Variants in NIPSNAP3B observed in about 807,000 individuals in gnomAD.
NIPSNAP3B encodes the protein nipsnap homolog 3B.
In NIPSNAP3B, 30 loss-of-function variants were observed where a neutral mutation model predicts 31.5. The ratio of observed to expected loss-of-function variants is 0.95; its 90% CI spans 0.71 to 1.29. The LOEUF (loss-of-function observed/expected upper bound fraction) is 1.29, where lower values mean the gene tolerates loss of function less well. Ranked by LOEUF, NIPSNAP3B falls within the 50% of genes most tolerant of loss-of-function variation. The probability of loss-of-function intolerance (pLI) is 0.00; values close to 1 mark genes in which losing one functional copy is unlikely to be tolerated. For synonymous variants in NIPSNAP3B, 106 were observed against 107.9 expected, an observed-to-expected ratio of 0.98 and a Z score of 0.11; for missense variants, 269 against 300.7, an observed-to-expected ratio of 0.89 and a Z score of 0.78.
chr9:104,784,412 A>AAGT, the NIPSNAP3B span: 1 of 1,614,080 alleles, frequency 6.2e-7, no homozygotes. Context: ...GAGGTCTTTT[A>AAGT]AGTGGTCATC....
At position 104,776,715 on chromosome 9, in the gene NIPSNAP3B, C is replaced by CTGTT. The variant is rs1311384781; in HGVS notation, c.*3642_*3643insTGTT. Among the ~76,000 whole-genome samples the CTGTT allele has an allele frequency of 6.6e-6, 1 of 152,166 alleles. No individual in the cohort carries two copies. Among genetic ancestry groups the CTGTT allele is most frequent in the African/African-American group, 2.4e-5 (1 of 41,444 alleles). Reference sequence around the variant, plus strand: ...CCCTGCTTTCTTTTTCTGTTATCACCATAATTAATGTTTTACTTATATATG... The same window carrying CTGTT: ...CCCTGCTTTCTTTTTCTGTTATCACCTGTTATAATTAATGTTTTACTTATATATG... On this transcript the variant is annotated 3_prime_UTR_variant, in exon 6 of 6. Coordinates refer to ENST00000374762, the MANE Select transcript of NIPSNAP3B (RefSeq NM_018376.4).
At chr9:104,790,819 T>C in the NIPSNAP3B span, 1 of 826,234 alleles carries the variant, frequency 1.2e-6, no homozygotes, top group South Asian at 1.5e-5. Flanking sequence ...AACATTTTTA[T>C]GAACTCTAAA....
At chr9:104,780,171 A>G (rs1828444578), downstream of NIPSNAP3B, among the ~76,000 whole-genome samples, 1 of 152,196 alleles carries the variant, frequency 6.6e-6, no homozygotes, top group Non-Finnish European at 1.5e-5. Flanking sequence ...ATTTCATTAA[A>G]GTCACTATAA....
chr9:104,784,599 G>A, the NIPSNAP3B span: 1 of 987,082 alleles, frequency 1.0e-6, no homozygotes, highest in Non-Finnish European at 1.5e-6. Flanking sequence ...AACTGTGTGT[G>A]AAGGAGGGAA....
At chr9:104,786,436 T>A in the NIPSNAP3B span, 1 of 1,525,544 alleles carries the variant, frequency 6.6e-7, no homozygotes, top group South Asian at 1.1e-5. Context: ...AGATTCTCTG[T>A]AACCATGAGA....
chr9:104,783,591 A>G, the NIPSNAP3B span: 3 of 152,606 alleles, frequency 2.0e-5, no homozygotes, highest in East Asian at 3.8e-4. Context: ...GCATAGGACA[A>G]TATAACAATG....
At position 104,769,133 on chromosome 9, in the gene NIPSNAP3B, A is replaced by C. The variant is rs1828152755; in HGVS notation, c.430+112A>C. On this transcript the variant is annotated intron_variant, in intron 3 of 5. Transcript: ENST00000374762. ...AAATATATAATTCTTTGTTTTATAT[A>C]ATAATATATGATGAGTCTGGAGATA... The C allele has an allele frequency of 4.0e-6, 3 of 756,822 alleles. No individual in the cohort carries two copies. The African/African-American group carries it at 5.3e-5, about 13-fold the overall frequency. The allele number at this position is 756,822 out of a possible 1,614,324, so 46.9% of individuals were successfully genotyped here. A position where few individuals can be genotyped will look rare whatever the true frequency, so the allele number is the denominator to read the frequency against.
chr9:104,772,712 CT>C, intron 4 of NIPSNAP3B, 109 bp from the exon 5 acceptor site: 1 of 1,315,046 alleles, frequency 7.6e-7, no homozygotes, highest in Non-Finnish European at 1.1e-6. Flanking sequence ...TTAGTTTTAC[CT>C]TTTGATTTTG....
intron 1 of NIPSNAP3B, among the ~76,000 whole-genome samples, chr9:104,764,752 T>C (rs929384667): frequency 6.6e-5 from 10 of 152,112 alleles, no homozygotes; most frequent in Non-Finnish European, 1.5e-4. Context: ...TTTCACCATG[T>C]TGGTCAGGCT....
Position 104,773,062 on chromosome 9 carries a change from C to T in NIPSNAP3B, c.733C>T (p.Pro245Ser). The part of the protein sequence containing the change: ...NMLLIPASFS[P>S]LK ...GCTTCTGATTCCTGCATCATTTTCA[C>T]CATTGAAATAGTTTTCTACTGAAAT... Residue 245 changes from proline to serine, a missense_variant, in exon 6 of 6, where the codon CCA becomes TCA. Transcript: ENST00000374762. 1 of 1,613,830 alleles carries T rather than the reference C, an allele frequency of 6.2e-7. No homozygotes were observed. Among genetic ancestry groups the T allele is most frequent in the African/African-American group, 1.3e-5 (1 of 75,046 alleles).
the NIPSNAP3B span, chr9:104,785,492 T>G: frequency 2.6e-6 from 4 of 1,543,352 alleles, no homozygotes; most frequent in East Asian, 2.5e-5. Context: ...GAGAAGATAA[T>G]GAAGATGGAA....
chr9:104,765,308 T>G (rs1288555769), intron 1 of NIPSNAP3B, among the ~76,000 whole-genome samples: 9 of 152,252 alleles, frequency 5.9e-5, no homozygotes. Context: ...GATAGATTAT[T>G]CTGGGTAGTG....
Position 104,770,838 on chromosome 9 carries a change from C to A in NIPSNAP3B, c.431-11C>A. ...TCTTCTGTGAAATAATTATTTTTCTCCCTATTCTAGGAGTCTATGAACTAG... is the reference window on the plus strand; with the variant it reads ...TCTTCTGTGAAATAATTATTTTTCTACCTATTCTAGGAGTCTATGAACTAG... On this transcript the variant is annotated splice_polypyrimidine_tract_variant and intron_variant, in intron 3 of 5. Transcript: ENST00000374762. 6.2e-7 allele frequency: 1 copy of A among 1,608,376 alleles called. No individual in the cohort carries two copies. Among genetic ancestry groups the A allele is most frequent in the Non-Finnish European group, 8.5e-7 (1 of 1,177,284 alleles).
rs1828285821 is a variant in NIPSNAP3B at position 104,774,168 on chromosome 9, C to T, written c.*1095C>T. 6.6e-6 allele frequency among the ~76,000 whole-genome samples: 1 copy of T among 152,080 alleles called. No individual in the cohort carries two copies. The highest frequency in any genetic ancestry group is 2.4e-5 in the African/African-American group (1 of 41,394). On this transcript the variant is annotated 3_prime_UTR_variant, in exon 6 of 6. Coordinates refer to ENST00000374762, the MANE Select transcript of NIPSNAP3B (RefSeq NM_018376.4). ...ATCTTCTGATAATCTGTATTTACAG[C>T]TATGTTATTTTATATTTTTAAAATC...
At chr9:104,789,213 G>A in the NIPSNAP3B span, among the ~76,000 whole-genome samples, 2 of 152,178 alleles carry the variant, frequency 1.3e-5, no homozygotes, top group African/African-American at 2.4e-5. Context: ...AATTAGGATT[G>A]AGGCACACGT....
chr9:104,787,110 A>G, the NIPSNAP3B span: 10 of 687,478 alleles, frequency 1.5e-5, no homozygotes, highest in South Asian at 2.2e-5. Flanking sequence ...TTGATGAATC[A>G]AAGAATTAGA....
chr9:104,784,584 T>A, the NIPSNAP3B span: 2 of 1,101,278 alleles, frequency 1.8e-6, no homozygotes, highest in Non-Finnish European at 2.7e-6. Flanking sequence ...ATGGATTAAC[T>A]AGAAAACTGT....
the NIPSNAP3B span, chr9:104,786,177 A>C: frequency 1.2e-6 from 1 of 838,542 alleles, no homozygotes; most frequent in Non-Finnish European, 2.0e-6. Flanking sequence ...CATTCTTTCC[A>C]CTATACTGTT....
Position 104,766,329 on chromosome 9 carries a change from G to A in NIPSNAP3B, c.65G>A (p.Cys22Tyr), listed in dbSNP as rs541747217. ...CATTTGTCTTACCTCCTTCAGGTGT[G>A]TTCATCTTTTGCTACGGGCCCTAGA... Reference protein sequence around the residue: ...LASRTLAPQVCSSFATGPRQY... With the variant: ...LASRTLAPQVYSSFATGPRQY... Residue 22 changes from cysteine (C) to tyrosine (Y), a missense_variant, in exon 2 of 6, where the codon TGT becomes TAT. Cys to Tyr is a radical substitution (Grantham distance 194). Coordinates refer to ENST00000374762, the MANE Select transcript of NIPSNAP3B (RefSeq NM_018376.4). 2.1e-5 allele frequency: 34 copies of A among 1,613,130 alleles called. 1 individual carries two copies. The South Asian group carries it at 3.7e-4, about 18-fold the overall frequency.
Sources: gnomAD v4.1 joint callset for allele counts (sites outside exome capture counted in the v4.1 genomes callset) on GRCh38, gnomAD v4.1.1 for gene constraint, MANE v1.5 for transcripts, NCBI Gene and HGNC (gene_info 2026-07-23, HGNC 2026-07-21) for gene names.